Variants in HPSE2 observed in about 807,000 individuals in gnomAD.
The protein encoded by HPSE2 is inactive heparanase-2.
A neutral mutation model predicts 60.5 loss-of-function variants in HPSE2; 38 were observed. The observed-to-expected ratio is 0.63, with a 90% CI of 0.48 to 0.82. The LOEUF (loss-of-function observed/expected upper bound fraction) is 0.82. HPSE2 is among the 40% of genes least tolerant of loss of function. HPSE2 has a pLI of 0.00. For missense variants in HPSE2, 713 were observed against 740.4 expected, an observed-to-expected ratio of 0.96 and a Z score of 0.43; for synonymous variants, 295 against 293.2, an observed-to-expected ratio of 1.01 and a Z score of -0.06.
intron 3 of HPSE2, among the ~76,000 whole-genome samples, chr10:99,045,619 C>G (rs1250671465): frequency 6.6e-6 from 1 of 151,968 alleles, no homozygotes; most frequent in East Asian, 1.9e-4. Context: ...AAGAGAAGAT[C>G]CAAGTAAGTA....
At chr10:99,132,578 G>A (rs1356729949) in intron 3 of HPSE2, among the ~76,000 whole-genome samples, 1 of 152,086 alleles carries the variant, frequency 6.6e-6, no homozygotes, top group Admixed American at 6.5e-5. Flanking sequence ...GATAGTAGGT[G>A]CAGCCCATGG....
chr10:99,132,174 A>AAAGAAAGAAAGG, intron 3 of HPSE2, among the ~76,000 whole-genome samples: 1 of 7,374 alleles, frequency 1.4e-4, no homozygotes, highest in African/African-American at 2.0e-4. Context: ...AGAAAGAAAG[A>AAAGAAAGAAAGG]AAGAAAGAAA....
intron 3 of HPSE2, among the ~76,000 whole-genome samples, chr10:98,954,213 CAGG>C (rs1955445375): frequency 1.3e-5 from 2 of 152,026 alleles, no homozygotes; most frequent in Admixed American, 6.6e-5. Flanking sequence ...GAGGCTGAGG[CAGG>C]AGATCACTTG....
intron 8 of HPSE2, 102 bp from the exon 9 acceptor site, chr10:98,615,120 A>G: frequency 1.2e-6 from 1 of 815,968 alleles, no homozygotes. Flanking sequence ...ACCAATCTCC[A>G]GTCACCAAAT....
At chr10:98,611,803 G>A (rs1372946815) in intron 9 of HPSE2, among the ~76,000 whole-genome samples, 1 of 152,198 alleles carries the variant, frequency 6.6e-6, no homozygotes, top group South Asian at 2.1e-4. Context: ...ACCTTTTTAA[G>A]TGCTTTTACA....
intron 3 of HPSE2, among the ~76,000 whole-genome samples, chr10:99,099,690 C>G (rs1191091716): frequency 6.6e-6 from 1 of 152,230 alleles, no homozygotes; most frequent in Admixed American, 6.5e-5. Flanking sequence ...AGACAGACTG[C>G]CTCCTCAAGT....
chr10:99,219,637 G>A (rs372447723), intron 2 of HPSE2, among the ~76,000 whole-genome samples: 4 of 152,138 alleles, frequency 2.6e-5, no homozygotes, highest in African/African-American at 7.2e-5. Context: ...GCTCTTCTAC[G>A]TAAAAGCCCT....
chr10:99,241,793 T>A, the HPSE2 span, among the ~76,000 whole-genome samples: 3 of 152,168 alleles, frequency 2.0e-5, no homozygotes, highest in Non-Finnish European at 4.4e-5. Flanking sequence ...AATTGTGCTA[T>A]CGCTTTCTTA....
At chr10:98,463,085 C>A (rs1186058586) in intron 11 of HPSE2, among the ~76,000 whole-genome samples, 1 of 151,998 alleles carries the variant, frequency 6.6e-6, no homozygotes, top group Non-Finnish European at 1.5e-5. Context: ...CAAAATAATT[C>A]GACCTTATAG....
intron 1 of HPSE2, 24 bp downstream of exon 1, chr10:99,235,489 G>T (rs1462524695): frequency 6.2e-7 from 1 of 1,612,922 alleles, no homozygotes. Flanking sequence ...AATTTTAAAT[G>T]ATCCATCGAA....
chr10:98,970,984 A>G (rs1214347689), intron 3 of HPSE2, among the ~76,000 whole-genome samples: 1 of 152,202 alleles, frequency 6.6e-6, no homozygotes, highest in Non-Finnish European at 1.5e-5. Flanking sequence ...TTTCAGAAAG[A>G]AGCCTCTGGT....
intron 7 of HPSE2, among the ~76,000 whole-genome samples, chr10:98,634,456 A>C (rs993478749): frequency 6.6e-6 from 1 of 152,116 alleles, no homozygotes; most frequent in African/African-American, 2.4e-5. Context: ...TAATATTATC[A>C]TTGTCCTCAT....
At chr10:98,782,912 ATTTTTT>A (rs1039514719) in intron 3 of HPSE2, among the ~76,000 whole-genome samples, 7 of 41,078 alleles carry the variant, frequency 1.7e-4, no homozygotes, top group Non-Finnish European at 4.3e-4. Context: ...CTGTTTGTTT[ATTTTTT>A]TTTTTTTATT....
intron 3 of HPSE2, among the ~76,000 whole-genome samples, chr10:98,878,199 G>A (rs767364376): frequency 8.6e-5 from 13 of 151,932 alleles, no homozygotes; most frequent in South Asian, 6.2e-4. Flanking sequence ...CTTCTCCAAC[G>A]TATTGCCTGG....
At chr10:99,176,088 G>C (rs1847515300) in intron 2 of HPSE2, among the ~76,000 whole-genome samples, 1 of 152,056 alleles carries the variant, frequency 6.6e-6, no homozygotes, top group Non-Finnish European at 1.5e-5. Context: ...CAACAAAAAG[G>C]ACATCCACAC....
chr10:99,003,938 CTTTTAT>C (rs1956833822), intron 3 of HPSE2, among the ~76,000 whole-genome samples: 1 of 151,948 alleles, frequency 6.6e-6, no homozygotes, highest in Admixed American at 6.6e-5. Flanking sequence ...AAATTTAAGT[CTTTTAT>C]CCATTTTGGG....
chr10:98,993,313 T>A (rs1337052619), intron 3 of HPSE2, among the ~76,000 whole-genome samples: 1 of 152,212 alleles, frequency 6.6e-6, no homozygotes, highest in African/African-American at 2.4e-5. Context: ...AATTTCATAT[T>A]CTGGAAAAGA....
At chr10:98,721,525 T>C (rs969184347) in intron 5 of HPSE2, 132 bp downstream of exon 5, 2 of 840,778 alleles carry the variant, frequency 2.4e-6, no homozygotes, top group Non-Finnish European at 3.7e-6. Flanking sequence ...GTGAAGCCAC[T>C]ATGGAAAGAG....
chr10:98,573,469 TG>T (rs5787291), intron 9 of HPSE2, among the ~76,000 whole-genome samples: 128,771 of 152,104 alleles, frequency 0.85, 55,859 homozygotes, highest in East Asian at 1. Flanking sequence ...GAGCCCACTC[TG>T]GGGAGTGTTG....
Sources: gnomAD v4.1 joint callset for allele counts (sites outside exome capture counted in the v4.1 genomes callset) on GRCh38, gnomAD v4.1.1 for gene constraint, MANE v1.5 for transcripts, NCBI Gene and HGNC (gene_info 2026-07-23, HGNC 2026-07-21) for gene names.